Variants in PCDHGA4 observed in about 807,000 individuals in gnomAD.
PCDHGA4 encodes protocadherin gamma subfamily A, 4, also known as protocadherin gamma-A4.
A neutral mutation model predicts 54.6 loss-of-function variants in PCDHGA4; 38 were observed. The ratio of observed to expected loss-of-function variants is 0.70; its 90% confidence interval spans 0.54 to 0.91. PCDHGA4 has a LOEUF of 0.91. Among genes scored for constraint, PCDHGA4 ranks in the 40% least tolerant of loss-of-function variants. The probability of loss-of-function intolerance (pLI) is 0.00; values close to 1 mark genes in which losing one functional copy is unlikely to be tolerated. For synonymous variants in PCDHGA4, 511 were observed against 512.9 expected, an observed-to-expected ratio of 1.00 and a Z score of 0.05; for missense variants, 1,298 against 1,220.9, an observed-to-expected ratio of 1.06 and a Z score of -0.94.
At chr5:141,503,089 G>C (rs1352372525) in intron 2 of PCDHGA4, among the ~76,000 whole-genome samples, 2 of 151,590 alleles carry the variant, frequency 1.3e-5, no homozygotes, top group Non-Finnish European at 2.9e-5. Context: ...TCCTGACCTC[G>C]TGGTCTGCCC....
intron 1 of PCDHGA4, chr5:141,478,456 T>A (rs371773090): frequency 3.1e-6 from 5 of 1,613,366 alleles, no homozygotes; most frequent in African/African-American, 2.7e-5. Context: ...GTGCAGCCAG[T>A]CCACTGGCCA....
At position 141,511,622 on chromosome 5, in the gene PCDHGA4, A is replaced by G; in HGVS notation, c.*449A>G. 4.3e-6 allele frequency: 1 copy of G among 232,852 alleles called. No individual in the cohort carries two copies. The highest frequency in any genetic ancestry group is 8.7e-6 in the Non-Finnish European group (1 of 114,994). The allele number at this position is 232,852 out of a possible 1,614,324, so 14.4% of individuals were successfully genotyped here. A position where few individuals can be genotyped will look rare whatever the true frequency, so the allele number is the denominator to read the frequency against. On this transcript the variant is annotated 3_prime_UTR_variant, in exon 4 of 4. Transcript: ENST00000571252. ...AACCTACAAGCCTCCTAGTTCTGAA[A>G]AGTTGGAAGGGCATCATGACCTCTT...
chr5:141,433,199 ATCT>A (rs1202688924), intron 1 of PCDHGA4: 4 of 1,579,570 alleles, frequency 2.5e-6, no homozygotes, highest in East Asian at 2.2e-5. Context: ...TTTATATCAA[ATCT>A]TCTTTCTTTT....
At position 141,510,979 on chromosome 5, in the gene PCDHGA4, G is replaced by T; in HGVS notation, c.2695G>T (p.Gly899Cys). 3.7e-6 allele frequency: 6 copies of T among 1,614,156 alleles called. No individual in the cohort carries two copies. Among genetic ancestry groups the T allele is most frequent in the Non-Finnish European group, 4.2e-6 (5 of 1,180,018 alleles). Residue 899 changes from glycine to cysteine, a missense_variant, in exon 4 of 4, where the codon GGT becomes TGT. Gly to Cys is a radical substitution (Grantham distance 159). Coordinates refer to ENST00000571252, the MANE Select transcript of PCDHGA4 (RefSeq NM_018917.4). ...TGATGGGAGCTCCACCCTGGGAGGGGGTGCCGGCACCATGGGATTGAGCGC... is the reference window on the plus strand; with the variant it reads ...TGATGGGAGCTCCACCCTGGGAGGGTGTGCCGGCACCATGGGATTGAGCGC... Reference protein sequence around the residue: ...AADGSSTLGGGAGTMGLSARY... With the variant: ...AADGSSTLGGCAGTMGLSARY...
chr5:141,361,633 G>A (rs891072773), intron 1 of PCDHGA4: 1 of 1,613,904 alleles, frequency 6.2e-7, no homozygotes, highest in Non-Finnish European at 8.5e-7. Context: ...GAAGCCGCGG[G>A]AGATTTTATC....
At chr5:141,455,984 G>A (rs1405675950) in intron 1 of PCDHGA4, among the ~76,000 whole-genome samples, 2 of 151,492 alleles carry the variant, frequency 1.3e-5, no homozygotes, top group East Asian at 1.9e-4. Context: ...TGCAAGCTCC[G>A]CCTCTCGGGT....
At position 141,366,541 on chromosome 5, in the gene PCDHGA4, C is replaced by T. The variant is rs558446486; in HGVS notation, c.2514+8920C>T. 62 of 1,614,270 alleles carry T rather than the reference C, an allele frequency of 3.8e-5. No homozygotes were observed. In the South Asian group the frequency reaches 6.5e-4, roughly 17 times the overall value. ...GCAGCAGGTTGGCGGGTGTGCCCGC[C>T]TCGCACTTTGTGGGCGTGGATGGGG... On this transcript the variant is annotated intron_variant, in intron 1 of 3. Transcript: ENST00000571252.
rs118080774 is a variant in PCDHGA4, at chr5:141,422,026, G to A, written c.2514+64405G>A. On this transcript the variant is annotated intron_variant, in intron 1 of 3. Coordinates refer to ENST00000571252, the MANE Select transcript of PCDHGA4 (RefSeq NM_018917.4). ...CGGAACTCGGGTGCTGATGGTTAAT[G>A]CAACGGATCCAGACGAGGGAATCAA... 69 of 1,611,394 alleles carry A rather than the reference G, an allele frequency of 4.3e-5. No individual in the cohort carries two copies. The East Asian group carries it at 1.4e-3, about 32-fold the overall frequency.
At chr5:141,403,688 A>G (rs1385402830) in intron 1 of PCDHGA4, 1 of 1,613,836 alleles carries the variant, frequency 6.2e-7, no homozygotes, top group Non-Finnish European at 8.5e-7. Flanking sequence ...TGCTCAACGG[A>G]TTTACCGAGT....
chr5:141,428,856 G>A (rs1195849417), intron 1 of PCDHGA4: 4 of 143,808 alleles, frequency 2.8e-5, no homozygotes, highest in Admixed American at 1.4e-4. Flanking sequence ...ATTTTTACGG[G>A]AGACTTTTTT....
intron 1 of PCDHGA4, chr5:141,364,358 T>A: frequency 6.4e-7 from 1 of 1,557,016 alleles, no homozygotes; most frequent in South Asian, 1.2e-5. Context: ...GGGCTGGGGC[T>A]GCGGAGAGCT....
chr5:141,415,427 G>C, intron 1 of PCDHGA4: 3 of 1,614,188 alleles, frequency 1.9e-6, no homozygotes, highest in Non-Finnish European at 2.5e-6. Flanking sequence ...GACGGGGTTC[G>C]GGCTTTCCTG....
chr5:141,409,476 C>T (rs1195323775), intron 1 of PCDHGA4: 1 of 1,613,982 alleles, frequency 6.2e-7, no homozygotes, highest in South Asian at 1.1e-5. Context: ...ATCGTAGCCA[C>T]TGACAGGGGC....
Position 141,413,313 on chromosome 5 carries a change from C to T in PCDHGA4, c.2514+55692C>T, listed in dbSNP as rs1346034749. The T allele has an allele frequency of 1.9e-6, 3 of 1,613,842 alleles. No homozygotes were observed. The African/African-American group carries it at 4.0e-5, about 22-fold the overall frequency. On this transcript the variant is annotated intron_variant, in intron 1 of 3. Transcript: ENST00000571252. The stretch of plus-strand genomic sequence containing the variant: ...CAATTCCTGAGGAATTAGAGAAAGG[C>T]TCTTTCGTGGGCAACATCTCCAAGG...
chr5:141,449,837 TAATTA>T (rs1054425190), intron 1 of PCDHGA4, among the ~76,000 whole-genome samples: 11 of 151,856 alleles, frequency 7.2e-5, no homozygotes, highest in Middle Eastern at 3.4e-3. Context: ...TTCTTTTATA[TAATTA>T]AATTTTAATA....
intron 1 of PCDHGA4, chr5:141,418,929 T>A: frequency 6.2e-7 from 1 of 1,614,034 alleles, no homozygotes; most frequent in Non-Finnish European, 8.5e-7. Flanking sequence ...GATCAGATTA[T>A]GGAGGATTCC....
chr5:141,423,265 G>A (rs973635802), intron 1 of PCDHGA4: 15 of 1,613,548 alleles, frequency 9.3e-6, no homozygotes, highest in African/African-American at 1.3e-5. Context: ...CGGCAGCCTC[G>A]AGTCTCTGGC....
chr5:141,491,379 A>G lies in PCDHGA4; in HGVS notation c.2515-3428A>G, dbSNP rs140150079. 423 of 1,613,968 alleles carry G rather than the reference A, an allele frequency of 2.6e-4. No homozygotes were observed. Among genetic ancestry groups the G allele is most frequent in the Non-Finnish European group, 3.0e-4 (359 of 1,179,986 alleles). On this transcript the variant is annotated intron_variant, in intron 1 of 3. Transcript: ENST00000571252. The surrounding 1 kb of genome is among the most constrained non-coding windows in gnomAD (Gnocchi z 6.9). ...CCCTAGTCACCTTCACCTTTCTGTC[A>G]GCGAAGTGCCTTCAGGGAAACGCAG...
intron 1 of PCDHGA4, chr5:141,374,105 C>T: frequency 6.4e-7 from 1 of 1,572,258 alleles, no homozygotes; most frequent in Non-Finnish European, 8.6e-7. Flanking sequence ...GCAGAGGCAT[C>T]CGCAGCGCAG....
Sources: gnomAD v4.1 joint callset for allele counts (sites outside exome capture counted in the v4.1 genomes callset) on GRCh38, gnomAD v4.1.1 for gene constraint, Gnocchi (gnomAD v3.1) non-coding constraint, MANE v1.5 for transcripts, NCBI Gene and HGNC (gene_info 2026-07-23, HGNC 2026-07-21) for gene names.